CYTH3: variants seen among roughly 807,000 people sequenced by gnomAD.
The protein encoded by CYTH3 is cytohesin-3.
Under a neutral mutation model 55.1 loss-of-function variants are expected in CYTH3, and 23 were observed. That is an observed-to-expected ratio of 0.42 (90% CI 0.30 to 0.59). CYTH3 has a LOEUF of 0.59. Ranked by LOEUF, CYTH3 falls within the 20% of genes least tolerant of loss-of-function variation. CYTH3 has a pLI of 0.20. For synonymous variants in CYTH3, 249 were observed against 194.9 expected (o/e 1.28, Z -2.31); for missense variants, 413 against 524.8 (o/e 0.79, Z 2.08).
intron 1 of CYTH3, among the ~76,000 whole-genome samples, chr7:6,224,028 T>G (rs951417980): frequency 6.6e-6 from 1 of 152,062 alleles, no homozygotes; most frequent in Non-Finnish European, 1.5e-5. Context: ...GTTATCCTAT[T>G]CACATATTTT....
chr7:6,190,541 G>A lies in CYTH3; in HGVS notation c.35-10C>T, dbSNP rs910751539. ...GAGAGGTCTTCAGGCACTGAAAGAA[G>A]AAAAAAATAATTAACTACTTTGGAG... On this transcript the variant is annotated splice_polypyrimidine_tract_variant and intron_variant, in intron 1 of 12. Transcript: ENST00000350796. 3 of 1,496,990 alleles carry A rather than the reference G, an allele frequency of 2.0e-6. No individual in the cohort carries two copies. Among genetic ancestry groups the A allele is most frequent in the Non-Finnish European group, 1.8e-6 (2 of 1,134,722 alleles). 92.7% of individuals were successfully genotyped at this position (1,496,990 alleles called of 1,614,324 possible).
intron 1 of CYTH3, among the ~76,000 whole-genome samples, chr7:6,267,497 T>C (rs1329931037): frequency 6.6e-6 from 1 of 152,234 alleles, no homozygotes; most frequent in African/African-American, 2.4e-5. Context: ...TTACATTGCA[T>C]ATCACATTAT....
At chr7:6,272,410 G>GGGGGGGGGGGGGGGGCCCCCC in intron 1 of CYTH3, 64 bp downstream of exon 1, 1 of 1,216,618 alleles carries the variant, frequency 8.2e-7, no homozygotes, top group Non-Finnish European at 1.1e-6. Flanking sequence ...CCGCGCCCTC[G>GGGGGGGGGGGGGGGGCCCCCC]ACCCCCAGCC....
intron 1 of CYTH3, among the ~76,000 whole-genome samples, chr7:6,195,542 C>T (rs1331851209): frequency 6.6e-6 from 1 of 152,112 alleles, no homozygotes; most frequent in Non-Finnish European, 1.5e-5. Context: ...GCAACCTCCA[C>T]CTCCCAGGTT....
chr7:6,228,281 G>A (rs866466702), intron 1 of CYTH3, among the ~76,000 whole-genome samples: 8 of 152,204 alleles, frequency 5.3e-5, no homozygotes, highest in Admixed American at 3.3e-4. Context: ...CCCTGGCTTA[G>A]AGGGACCTTT....
chr7:6,167,714 G>A lies in CYTH3; in HGVS notation c.824-1904C>T, dbSNP rs1783054719. On this transcript the variant is annotated intron_variant, in intron 9 of 12. Coordinates refer to ENST00000350796, the MANE Select transcript of CYTH3 (RefSeq NM_004227.4). This position sits in a 1 kb window ranked among gnomAD's most constrained non-coding sequence, Gnocchi z 5.5. ...CCCTGCCCTGTTATCTGAGTCTCCA[G>A]TTCTTGGGGAGCTCATCCAGGAGCC... 6.6e-6 allele frequency among the ~76,000 whole-genome samples: 1 copy of A among 152,250 alleles called. No individual in the cohort carries two copies. The highest frequency in any genetic ancestry group is 2.4e-5 in the African/African-American group (1 of 41,468).
rs868781637 is a variant in CYTH3, at chr7:6,272,595, G to T, written c.-88C>A. Reference sequence around the variant, plus strand: ...ACGCCGCCGGAGGGAGCGCGCAGGCGACCGGGCGGCTCCTCAGCGCGCGGC... The same window carrying T: ...ACGCCGCCGGAGGGAGCGCGCAGGCTACCGGGCGGCTCCTCAGCGCGCGGC... On this transcript the variant is annotated 5_prime_UTR_variant, in exon 1 of 13. Transcript: ENST00000350796. The T allele has an allele frequency of 1.9e-6, 2 of 1,049,714 alleles. No individual in the cohort carries two copies. Among genetic ancestry groups the T allele is most frequent in the Non-Finnish European group, 1.2e-6 (1 of 860,126 alleles). The allele number at this position is 1,049,714 out of a possible 1,614,324, so 65.0% of individuals were successfully genotyped here.
intron 1 of CYTH3, among the ~76,000 whole-genome samples, chr7:6,237,837 T>C (rs1395596820): frequency 2.8e-4 from 42 of 152,234 alleles, no homozygotes; most frequent in Non-Finnish European, 2.9e-4. Context: ...AATGTATGTT[T>C]ACTCTCTTCC....
At chr7:6,166,502 G>A (rs554309441) in intron 9 of CYTH3, among the ~76,000 whole-genome samples, 8 of 152,326 alleles carry the variant, frequency 5.3e-5, no homozygotes, top group African/African-American at 1.4e-4. Flanking sequence ...CCAGCGCTGC[G>A]GAGCTCACCC....
rs1583735231 is a variant in CYTH3, at chr7:6,171,144, C to T, written c.562+58G>A. The T allele has an allele frequency of 7.5e-6, 12 of 1,593,910 alleles. No homozygotes were observed. The highest frequency in any genetic ancestry group is 3.4e-4 in the Middle Eastern group (2 of 5,944). ...CTGGGCTGTGCCCACAGGGGCCGCCCCCTCCAGAGCTGGAGGCTGTGCCTG... is the reference window on the plus strand; with the variant it reads ...CTGGGCTGTGCCCACAGGGGCCGCCTCCTCCAGAGCTGGAGGCTGTGCCTG... On this transcript the variant is annotated intron_variant, in intron 7 of 12. Coordinates refer to ENST00000350796, the MANE Select transcript of CYTH3 (RefSeq NM_004227.4). The surrounding 1 kb of genome is among the most constrained non-coding windows in gnomAD (Gnocchi z 6.7).
chr7:6,219,208 CA>C (rs1235390923), intron 1 of CYTH3, among the ~76,000 whole-genome samples: 3 of 152,082 alleles, frequency 2.0e-5, no homozygotes, highest in African/African-American at 7.2e-5. Flanking sequence ...TAGCAGAAAA[CA>C]TAGCTGAATT....
intron 1 of CYTH3, among the ~76,000 whole-genome samples, chr7:6,226,632 G>C (rs1009692982): frequency 1.2e-4 from 18 of 152,088 alleles, no homozygotes; most frequent in African/African-American, 4.4e-4. Flanking sequence ...ATTTCAACCC[G>C]TGTTGTGAGT....
At chr7:6,227,236 G>A (rs868242449) in intron 1 of CYTH3, among the ~76,000 whole-genome samples, 2 of 152,216 alleles carry the variant, frequency 1.3e-5, no homozygotes, top group East Asian at 1.9e-4. Context: ...GATAGGAACA[G>A]ATTGATGGAA....
intron 1 of CYTH3, among the ~76,000 whole-genome samples, chr7:6,241,989 CAGAA>C: frequency 6.6e-6 from 1 of 152,204 alleles, no homozygotes; most frequent in East Asian, 1.9e-4. Flanking sequence ...GGACAGGGGA[CAGAA>C]TAGTCTCATT....
chr7:6,241,136 T>C (rs1016935051), intron 1 of CYTH3, among the ~76,000 whole-genome samples: 1 of 150,526 alleles, frequency 6.6e-6, no homozygotes, highest in African/African-American at 2.4e-5. Context: ...AAAAAAGAAA[T>C]ACATTTGGTT....
intron 1 of CYTH3, among the ~76,000 whole-genome samples, chr7:6,235,044 A>ACT (rs1330338528): frequency 3.9e-5 from 6 of 151,992 alleles, no homozygotes; most frequent in Non-Finnish European, 7.4e-5. Flanking sequence ...CCTTACTCAC[A>ACT]CCCACCACTC....
intron 1 of CYTH3, among the ~76,000 whole-genome samples, chr7:6,196,048 T>G (rs1783917717): frequency 6.6e-6 from 1 of 152,186 alleles, no homozygotes; most frequent in African/African-American, 2.4e-5. Context: ...AGTCTGTCTC[T>G]TTCTCGCTCT....
rs540208817 is a variant in CYTH3, at chr7:6,229,159, G to A, written c.35-38628C>T. ...AGAGGACCTAAAGAGGAACTATGTC[G>A]TTATCAAAGTTGGCCAGAATGCCAG... On this transcript the variant is annotated intron_variant, in intron 1 of 12. Transcript: ENST00000350796. 3.3e-5 allele frequency among the ~76,000 whole-genome samples: 5 copies of A among 152,246 alleles called. No individual in the cohort carries two copies. The East Asian group carries it at 5.8e-4, about 18-fold the overall frequency.
intron 1 of CYTH3, among the ~76,000 whole-genome samples, chr7:6,240,563 T>C (rs1779647777): frequency 6.6e-6 from 1 of 152,174 alleles, no homozygotes; most frequent in South Asian, 2.1e-4. Flanking sequence ...GGTACTTTAA[T>C]ATATGATAAA....
Sources: gnomAD v4.1 joint callset for allele counts (sites outside exome capture counted in the v4.1 genomes callset) on GRCh38, gnomAD v4.1.1 for gene constraint, Gnocchi (gnomAD v3.1) non-coding constraint, MANE v1.5 for transcripts, NCBI Gene and HGNC (gene_info 2026-07-23, HGNC 2026-07-21) for gene names.